The following SDK1 variants were observed in gnomAD, a reference collection of about 807,000 sequenced individuals.
The protein encoded by SDK1 is protein sidekick-1.
A neutral mutation model predicts 245.5 loss-of-function variants in SDK1; 157 were observed. The observed-to-expected ratio is 0.64, with a 90% confidence interval of 0.56 to 0.73. The LOEUF (loss-of-function observed/expected upper bound fraction) is 0.73, where lower values mean the gene tolerates loss of function less well. Among genes scored for constraint, SDK1 ranks in the 30% least tolerant of loss-of-function variants. The pLI is 0.00. For synonymous variants in SDK1, 1,647 were observed against 1,278.5 expected (o/e 1.29, Z -6.15); for missense variants, 3,583 against 3,002.3 (o/e 1.19, Z -4.52).
intron 4 of SDK1, among the ~76,000 whole-genome samples, chr7:3,669,377 C>T (rs766085547): frequency 4.6e-5 from 7 of 152,080 alleles, no homozygotes; most frequent in Non-Finnish European, 1.0e-4. Flanking sequence ...CACCTTCTTA[C>T]CCCCTTTTCA....
chr7:3,493,834 A>G (rs994500521), intron 1 of SDK1, among the ~76,000 whole-genome samples: 17 of 152,208 alleles, frequency 1.1e-4, no homozygotes, highest in African/African-American at 4.1e-4. Flanking sequence ...TCTACATGGA[A>G]TGACCAGATT....
At position 4,075,573 on chromosome 7, in the gene SDK1, G is replaced by C. The variant is rs746455490; in HGVS notation, c.3011-1425G>C. On this transcript the variant is annotated intron_variant, in intron 20 of 44. Coordinates refer to ENST00000404826, the MANE Select transcript of SDK1 (RefSeq NM_152744.4). Reference sequence around the variant, plus strand: ...TCCACCACTGTCTCCCTCTTTAAAAGACACTTTTAAGTGCTCTCTGATCAC... The same window carrying C: ...TCCACCACTGTCTCCCTCTTTAAAACACACTTTTAAGTGCTCTCTGATCAC... Among the ~76,000 whole-genome samples the C allele has an allele frequency of 5.3e-5, 8 of 151,868 alleles. No homozygotes were observed. The East Asian group carries it at 1.6e-3, about 29-fold the overall frequency.
intron 1 of SDK1, among the ~76,000 whole-genome samples, chr7:3,600,180 T>G (rs992383698): frequency 1.3e-5 from 2 of 152,148 alleles, no homozygotes; most frequent in Admixed American, 1.3e-4. Flanking sequence ...CTCTTTGGAG[T>G]GATTGTAAAT....
At chr7:3,525,117 G>T (rs1783077539) in intron 1 of SDK1, among the ~76,000 whole-genome samples, 1 of 152,106 alleles carries the variant, frequency 6.6e-6, no homozygotes, top group East Asian at 1.9e-4. Context: ...GAAGTGTACA[G>T]GAGGATGTGC....
chr7:3,395,383 G>C (rs1186834350), intron 1 of SDK1, among the ~76,000 whole-genome samples: 1 of 151,610 alleles, frequency 6.6e-6, no homozygotes, highest in Non-Finnish European at 1.5e-5. Context: ...TTTTATTGAG[G>C]ATTTTTGCAT....
At chr7:3,867,476 T>C (rs1031149746) in intron 5 of SDK1, among the ~76,000 whole-genome samples, 2 of 152,302 alleles carry the variant, frequency 1.3e-5, no homozygotes, top group African/African-American at 4.8e-5. Flanking sequence ...CAGTGTCATA[T>C]GGCTGGGGCG....
rs147997578 is a variant in SDK1, at chr7:3,892,600, A to G, written c.848-58323A>G. On this transcript the variant is annotated intron_variant, in intron 5 of 44. Transcript: ENST00000404826. ...TTTTGAACAAGTGATACAGTCTCTC[A>G]CAGGCATAGATTCCAAAAAGAAACC... 9.5e-3 allele frequency among the ~76,000 whole-genome samples: 1,441 copies of G among 152,348 alleles called. 25 individuals carry two copies. The highest frequency in any genetic ancestry group is 0.033 in the African/African-American group (1,386 of 41,584).
chr7:3,442,710 T>C (rs1374284995), intron 1 of SDK1, among the ~76,000 whole-genome samples: 2 of 152,338 alleles, frequency 1.3e-5, no homozygotes, highest in African/African-American at 2.4e-5. Flanking sequence ...TGTACAAGTT[T>C]AGTGCACTTG....
At chr7:3,785,430 T>C (rs1182672222) in intron 4 of SDK1, among the ~76,000 whole-genome samples, 1 of 152,166 alleles carries the variant, frequency 6.6e-6, no homozygotes, top group Non-Finnish European at 1.5e-5. Flanking sequence ...TATTAATCAA[T>C]CATAACATTA....
chr7:3,957,289 A>C (rs1178405764), intron 7 of SDK1, among the ~76,000 whole-genome samples: 1 of 152,150 alleles, frequency 6.6e-6, no homozygotes, highest in Non-Finnish European at 1.5e-5. Flanking sequence ...CGCACACTTG[A>C]GCGCAGGAAA....
chr7:3,937,703 G>A (rs987243989), intron 5 of SDK1, among the ~76,000 whole-genome samples: 1 of 152,174 alleles, frequency 6.6e-6, no homozygotes, highest in African/African-American at 2.4e-5. Context: ...GAGGACCAAG[G>A]CTTCAAAGGC....
intron 5 of SDK1, among the ~76,000 whole-genome samples, chr7:3,881,573 C>T (rs139989149): frequency 1.3e-4 from 20 of 152,180 alleles, no homozygotes; most frequent in East Asian, 1.9e-4. Flanking sequence ...TATGCATATG[C>T]GTGCATACAT....
intron 4 of SDK1, among the ~76,000 whole-genome samples, chr7:3,727,932 C>A (rs1196448153): frequency 6.6e-6 from 1 of 152,250 alleles, no homozygotes; most frequent in East Asian, 1.9e-4. Flanking sequence ...CATTTAGTCA[C>A]TGTATTTCCT....
intron 4 of SDK1, among the ~76,000 whole-genome samples, chr7:3,725,129 A>G (rs1326269283): frequency 6.6e-6 from 1 of 152,228 alleles, no homozygotes; most frequent in Non-Finnish European, 1.5e-5. Context: ...AGATAGAGGA[A>G]GTAACTTTCT....
chr7:3,805,424 C>G (rs1779217196), intron 4 of SDK1, among the ~76,000 whole-genome samples: 1 of 152,174 alleles, frequency 6.6e-6, no homozygotes, highest in African/African-American at 2.4e-5. Flanking sequence ...CAGGTTGATT[C>G]TTGAGTTCTT....
chr7:4,011,837 G>C (rs560073984), intron 15 of SDK1, among the ~76,000 whole-genome samples: 2 of 152,280 alleles, frequency 1.3e-5, no homozygotes, highest in East Asian at 3.9e-4. Flanking sequence ...AAAGGGCTGA[G>C]GTGCTGGGGT....
chr7:3,420,011 C>T (rs77489110), intron 1 of SDK1, among the ~76,000 whole-genome samples: 1 of 152,164 alleles, frequency 6.6e-6, no homozygotes, highest in Non-Finnish European at 1.5e-5. Flanking sequence ...TGAAACATGC[C>T]ACCCAAGCTT....
intron 20 of SDK1, among the ~76,000 whole-genome samples, chr7:4,068,225 A>C (rs1780023986): frequency 6.6e-6 from 1 of 152,250 alleles, no homozygotes; most frequent in African/African-American, 2.4e-5. Flanking sequence ...AATGAGAGTC[A>C]GTCATGTTAT....
intron 1 of SDK1, among the ~76,000 whole-genome samples, chr7:3,436,719 C>T (rs1022558540): frequency 6.6e-6 from 1 of 151,994 alleles, no homozygotes; most frequent in Non-Finnish European, 1.5e-5. Flanking sequence ...GAAGTAATTG[C>T]CACTAAATCG....
Sources: gnomAD v4.1 joint callset for allele counts (sites outside exome capture counted in the v4.1 genomes callset) on GRCh38, gnomAD v4.1.1 for gene constraint, MANE v1.5 for transcripts, NCBI Gene and HGNC (gene_info 2026-07-23, HGNC 2026-07-21) for gene names.